The following TRIM71 variants were observed in gnomAD, a reference collection of about 807,000 sequenced individuals.
TRIM71 encodes the protein tripartite motif containing 71, also known as E3 ubiquitin-protein ligase TRIM71.
A neutral mutation model predicts 61.2 loss-of-function variants in TRIM71; 9 were observed. The observed-to-expected ratio is 0.15, with a 90% CI of 0.09 to 0.26. The LOEUF (loss-of-function observed/expected upper bound fraction) is 0.26, where lower values mean the gene tolerates loss of function less well. Ranked by LOEUF, TRIM71 falls within the 10% of genes least tolerant of loss-of-function variation. TRIM71 has a pLI of 1.00. For synonymous variants in TRIM71, 645 were observed against 553.2 expected, an observed-to-expected ratio of 1.17 and a Z score of -2.33; for missense variants, 998 against 1,238.7, an observed-to-expected ratio of 0.81 and a Z score of 2.92.
chr3:32,850,947 G>A (rs4909031), intron 1 of TRIM71, among the ~76,000 whole-genome samples: 35,477 of 152,056 alleles, frequency 0.23, 4,492 homozygotes, highest in African/African-American at 0.32. Flanking sequence ...TTGGGGAGGG[G>A]TTTAAATAGA....
chr3:32,825,937 TG>T (rs2125674445), intron 1 of TRIM71, among the ~76,000 whole-genome samples: 1 of 152,312 alleles, frequency 6.6e-6, no homozygotes, highest in Admixed American at 6.5e-5. Flanking sequence ...CCAGATTGAC[TG>T]TTTTGATTGA....
At chr3:32,859,249 C>T (rs1696639208) in intron 1 of TRIM71, among the ~76,000 whole-genome samples, 1 of 151,964 alleles carries the variant, frequency 6.6e-6, no homozygotes, top group African/African-American at 2.4e-5. Flanking sequence ...TGAGTGGTAC[C>T]GCGATTTTAG....
intron 1 of TRIM71, among the ~76,000 whole-genome samples, chr3:32,858,890 A>T (rs1162105702): frequency 6.6e-6 from 1 of 152,088 alleles, no homozygotes; most frequent in East Asian, 1.9e-4. Context: ...AAACCACCTG[A>T]TTGTTTCACC....
intron 1 of TRIM71, among the ~76,000 whole-genome samples, chr3:32,873,063 T>TCCTCCCTCTCTC (rs1696814044): frequency 2.4e-5 from 2 of 83,592 alleles, no homozygotes; most frequent in Non-Finnish European, 5.0e-5. Context: ...TTCTCTCTCT[T>TCCTCCCTCTCTC]CCTCCCTCCC....
At chr3:32,834,584 TATAAA>T (rs952171514) in intron 1 of TRIM71, among the ~76,000 whole-genome samples, 1 of 152,074 alleles carries the variant, frequency 6.6e-6, no homozygotes, top group African/African-American at 2.4e-5. Context: ...TTCATTTTCT[TATAAA>T]AGGAGGGATG....
At chr3:32,832,681 G>C (rs186554888) in intron 1 of TRIM71, among the ~76,000 whole-genome samples, 9 of 152,146 alleles carry the variant, frequency 5.9e-5, no homozygotes, top group Admixed American at 1.3e-4. Flanking sequence ...TGAAGACCCC[G>C]TCTCAATAAA....
At chr3:32,850,972 T>C (rs1364571854) in intron 1 of TRIM71, among the ~76,000 whole-genome samples, 1 of 152,154 alleles carries the variant, frequency 6.6e-6, no homozygotes, top group African/African-American at 2.4e-5. Flanking sequence ...GTGTTCTCTA[T>C]CAAAATACAC....
intron 1 of TRIM71, among the ~76,000 whole-genome samples, chr3:32,857,694 G>A (rs939346195): frequency 6.6e-6 from 1 of 152,212 alleles, no homozygotes; most frequent in Non-Finnish European, 1.5e-5. Flanking sequence ...ATAATGGCCA[G>A]GTGCAGTGGC....
intron 2 of TRIM71, among the ~76,000 whole-genome samples, chr3:32,882,882 A>C (rs1599770): frequency 0.38 from 57,630 of 152,078 alleles, 12,923 homozygotes; most frequent in East Asian, 0.6. Context: ...TGACAGCAGA[A>C]GTTGGTTTCA....
intron 2 of TRIM71, among the ~76,000 whole-genome samples, chr3:32,878,786 C>T (rs922337851): frequency 2.0e-5 from 3 of 152,166 alleles, no homozygotes; most frequent in African/African-American, 7.2e-5. Flanking sequence ...TGACTGTTGG[C>T]TTCAACTTAG....
intron 3 of TRIM71, among the ~76,000 whole-genome samples, chr3:32,886,944 C>T (rs1171450043): frequency 1.3e-5 from 2 of 152,208 alleles, no homozygotes; most frequent in African/African-American, 2.4e-5. Context: ...GAATATGGCT[C>T]AATTGCTTTC....
intron 1 of TRIM71, among the ~76,000 whole-genome samples, chr3:32,821,042 A>G (rs571788152): frequency 6.6e-6 from 1 of 152,350 alleles, no homozygotes; most frequent in African/African-American, 2.4e-5. Context: ...AGAAGACTAA[A>G]GTGTTAGGAG....
chr3:32,887,068 A>C (rs1043028460), intron 3 of TRIM71, among the ~76,000 whole-genome samples: 7 of 152,132 alleles, frequency 4.6e-5, no homozygotes, highest in African/African-American at 1.7e-4. Flanking sequence ...TGGGTCTGCC[A>C]GTGTTATGCC....
intron 1 of TRIM71, among the ~76,000 whole-genome samples, chr3:32,841,487 C>T (rs903248874): frequency 2.0e-5 from 3 of 151,710 alleles, no homozygotes; most frequent in Non-Finnish European, 4.4e-5. Flanking sequence ...GCCTGGGCAA[C>T]ACGGCAAAAC....
chr3:32,873,896 T>G lies in TRIM71; in HGVS notation c.931T>G (p.Phe311Val), dbSNP rs377498310. The change falls in exon 2 of 4, where the codon TTC (phenylalanine) becomes GTC (valine). Residue 311 changes from phenylalanine (F) to valine (V), a missense_variant. This residue lies in a region of TRIM71 where 291 missense variants were observed against 431.2 expected (regional missense o/e 0.67). Transcript: ENST00000383763. ...CTMGRHGGHS[F>V]IYLQEALQDS... ...AATGGGCCGGCATGGGGGCCACAGC[T>G]TCATCTACCTCCAGGAGGCACTGCA... 1.3e-5 allele frequency: 21 copies of G among 1,613,992 alleles called. No individual in the cohort carries two copies. Among genetic ancestry groups the G allele is most frequent in the Non-Finnish European group, 1.8e-5 (21 of 1,179,916 alleles).
chr3:32,869,273 G>A (rs1434902030), intron 1 of TRIM71, among the ~76,000 whole-genome samples: 1 of 152,172 alleles, frequency 6.6e-6, no homozygotes, highest in Non-Finnish European at 1.5e-5. Context: ...GTTTGTGGGA[G>A]CCCAAGTAAA....
chr3:32,860,943 G>A (rs1452214353), intron 1 of TRIM71, among the ~76,000 whole-genome samples: 1 of 152,086 alleles, frequency 6.6e-6, no homozygotes, highest in Non-Finnish European at 1.5e-5. Flanking sequence ...GGGAGGCCGA[G>A]GCAGGCAGAT....
intron 2 of TRIM71, among the ~76,000 whole-genome samples, chr3:32,879,394 G>A (rs1475957400): frequency 1.3e-5 from 2 of 152,172 alleles, no homozygotes; most frequent in South Asian, 4.1e-4. Context: ...CAGCCTGTCT[G>A]TAGCTTTCTA....
intron 1 of TRIM71, among the ~76,000 whole-genome samples, chr3:32,845,752 C>G (rs567247712): frequency 1.1e-3 from 173 of 152,076 alleles, no homozygotes; most frequent in Middle Eastern, 6.8e-3. Context: ...CTCTCTGTCA[C>G]CCAGGCTGGA....
Sources: allele counts gnomAD v4.1 joint callset (sites outside exome capture counted in the v4.1 genomes callset), GRCh38; gene constraint gnomAD v4.1.1; regional missense constraint gnomAD v4.1.1; transcripts MANE v1.5; gene names NCBI Gene and HGNC (gene_info 2026-07-23, HGNC 2026-07-21).